CELF5: variants seen among roughly 807,000 people sequenced by gnomAD.
CELF5 encodes the protein CUG-BP and ETR-3 like factor 5.
In CELF5, 6 loss-of-function variants were observed where a neutral mutation model predicts 54.9. That is an observed-to-expected ratio of 0.11 (90% confidence interval 0.06 to 0.22). The LOEUF (loss-of-function observed/expected upper bound fraction) is 0.22. CELF5 is among the 10% of genes least tolerant of loss of function. The pLI, the probability that CELF5 is intolerant of heterozygous loss-of-function variation, is 1.00. For synonymous variants in CELF5, 271 were observed against 290.9 expected, an observed-to-expected ratio of 0.93 and a Z score of 0.70; for missense variants, 401 against 678.6, an observed-to-expected ratio of 0.59 and a Z score of 4.54.
intron 1 of CELF5, among the ~76,000 whole-genome samples, chr19:3,242,670 G>A (rs1599400617): frequency 6.6e-6 from 1 of 152,270 alleles, no homozygotes; most frequent in East Asian, 1.9e-4. Flanking sequence ...GACAGTCATA[G>A]TGGCAGGCGC....
chr19:3,284,981 G>A lies in CELF5; in HGVS notation c.1102+17G>A, dbSNP rs908536034. On this transcript the variant is annotated intron_variant, in intron 9 of 12. Coordinates refer to ENST00000292672, the MANE Select transcript of CELF5 (RefSeq NM_021938.4). ...AGTACACAGGTAGGAGGCAGCCCGCGTGCCCGCGCTGGGCCCTGGCCCCGC... is the reference window on the plus strand; with the variant it reads ...AGTACACAGGTAGGAGGCAGCCCGCATGCCCGCGCTGGGCCCTGGCCCCGC... 6 of 1,599,270 alleles carry A rather than the reference G, an allele frequency of 3.8e-6. No homozygotes were observed. The highest frequency in any genetic ancestry group is 5.1e-6 in the Non-Finnish European group (6 of 1,172,906).
chr19:3,225,567 G>A (rs1916858323), intron 1 of CELF5: 2 of 981,048 alleles, frequency 2.0e-6, no homozygotes, highest in Non-Finnish European at 2.4e-6. Context: ...CCAGGCCGGC[G>A]GGGCAGGTCC....
chr19:3,285,931 G>A lies in CELF5; in HGVS notation c.1103-11G>A. 1.3e-6 allele frequency: 2 copies of A among 1,546,882 alleles called. No homozygotes were observed. The highest frequency in any genetic ancestry group is 1.7e-6 in the Non-Finnish European group (2 of 1,153,242). ...CCCTCCTCGCCCTGTGTCTCGCTCC[G>A]GTCTCCGCAGCCATGTACCCCACCG... On this transcript the variant is annotated splice_polypyrimidine_tract_variant and intron_variant, in intron 9 of 12. Coordinates refer to ENST00000292672, the MANE Select transcript of CELF5 (RefSeq NM_021938.4).
In CELF5 at chr19:3,249,964, T is replaced by G. The variant is rs372129315; in HGVS notation, c.260-1021T>G. Among the ~76,000 whole-genome samples, 3 of 152,130 alleles carry G rather than the reference T, an allele frequency of 2.0e-5. No homozygotes were observed. In the South Asian group the frequency reaches 6.2e-4, roughly 32 times the overall value. On this transcript the variant is annotated intron_variant, in intron 1 of 12. Coordinates refer to ENST00000292672, the MANE Select transcript of CELF5 (RefSeq NM_021938.4). Reference sequence around the variant, plus strand: ...TTGTCCAGGGCTCTCAGCATCTCTTTTCTGAGCTCAGCCACTGACTTTGTT... The same window carrying G: ...TTGTCCAGGGCTCTCAGCATCTCTTGTCTGAGCTCAGCCACTGACTTTGTT...
chr19:3,293,867 G>C, intron 12 of CELF5: 1 of 169,262 alleles, frequency 5.9e-6, no homozygotes. Flanking sequence ...TTTCCCTGCT[G>C]AAAACCCAAC....
chr19:3,250,880 G>T, intron 1 of CELF5, 105 bp from the exon 2 acceptor site: 1 of 717,656 alleles, frequency 1.4e-6, no homozygotes. Flanking sequence ...TGCATCTGTG[G>T]ATGGAAGCTT....
intron 2 of CELF5, among the ~76,000 whole-genome samples, chr19:3,251,762 C>T (rs376843563): frequency 8.8e-4 from 133 of 151,092 alleles, no homozygotes; most frequent in African/African-American, 3.0e-3. Flanking sequence ...GCAACCTCCG[C>T]CTCCCAGGTT....
chr19:3,237,806 T>A (rs553143265), intron 1 of CELF5, among the ~76,000 whole-genome samples: 2 of 152,026 alleles, frequency 1.3e-5, no homozygotes, highest in East Asian at 1.9e-4. Context: ...TCCCAGCACT[T>A]TGGGAGGCCG....
intron 10 of CELF5, among the ~76,000 whole-genome samples, chr19:3,289,724 G>A (rs948033509): frequency 3.3e-5 from 4 of 122,972 alleles, no homozygotes; most frequent in African/African-American, 1.3e-4. Context: ...AATTAGCAAC[G>A]CATGGTGGCT....
At position 3,281,260 on chromosome 19, in the gene CELF5, G is replaced by A. The variant is rs1429169109; in HGVS notation, c.665G>A (p.Arg222His). The A allele has an allele frequency of 1.9e-6, 3 of 1,611,278 alleles. No individual in the cohort carries two copies. The highest frequency in any genetic ancestry group is 2.5e-6 in the Non-Finnish European group (3 of 1,179,902). ...ACGGACAAGGAGCGGACGCTCCGGC[G>A]CATGCAGCAGATGGTGGGCCAGCTG... The part of the protein sequence containing the change: ...ADTDKERTLR[R>H]MQQMVGQLGI... Residue 222 changes from arginine (R) to histidine (H), a missense_variant, in exon 6 of 13, where the codon CGC (arginine) becomes CAC (histidine). Arg to His is a conservative substitution (Grantham distance 29, BLOSUM62 0). Transcript: ENST00000292672. The surrounding 1 kb of genome is among the most constrained non-coding windows in gnomAD (Gnocchi z 6.5).
At chr19:3,264,025 G>T (rs543227499) in intron 2 of CELF5, among the ~76,000 whole-genome samples, 1 of 152,238 alleles carries the variant, frequency 6.6e-6, no homozygotes, top group African/African-American at 2.4e-5. Flanking sequence ...CGGTCCTCTG[G>T]AATCCACCCC....
chr19:3,283,686 T>C (rs1328050582), intron 8 of CELF5, among the ~76,000 whole-genome samples: 1 of 152,038 alleles, frequency 6.6e-6, no homozygotes, highest in Non-Finnish European at 1.5e-5. Flanking sequence ...GTTACCAAAA[T>C]ACCACAGAGC....
chr19:3,282,060 C>A lies in CELF5; in HGVS notation c.751-66C>A. 3 of 1,575,826 alleles carry A rather than the reference C, an allele frequency of 1.9e-6. No homozygotes were observed. Among genetic ancestry groups the A allele is most frequent in the African/African-American group, 1.3e-5 (1 of 74,316 alleles). ...CCTCACTAGTAACTGGGGTACCAAG[C>A]CTCCCCTCATAAGCCATGATCTCAG... On this transcript the variant is annotated intron_variant, in intron 6 of 12. Coordinates refer to ENST00000292672, the MANE Select transcript of CELF5 (RefSeq NM_021938.4). The surrounding 1 kb of genome is among the most constrained non-coding windows in gnomAD (Gnocchi z 5.2).
At chr19:3,271,069 G>A (rs62125941) in intron 2 of CELF5, among the ~76,000 whole-genome samples, 13,165 of 151,898 alleles carry the variant, frequency 0.087, 706 homozygotes, top group Non-Finnish European at 0.13. Flanking sequence ...CCTAAGAGGC[G>A]GTTTCCATGG....
At chr19:3,245,570 CAAA>C (rs79993342) in intron 1 of CELF5, among the ~76,000 whole-genome samples, 6 of 111,692 alleles carry the variant, frequency 5.4e-5, no homozygotes, top group Non-Finnish European at 3.8e-5. Flanking sequence ...AGTCCACAGG[CAAA>C]AAAAAAAAAA....
rs1287887965 is a variant in CELF5, at chr19:3,268,474, G to T, written c.343-5398G>T. ...TCGGGGCGTCGTGTCATCTTTCTGG[G>T]CCTGTGCAGACACCAAATTGTAAGA... is the stretch of plus-strand genomic sequence containing the variant. On this transcript the variant is annotated intron_variant, in intron 2 of 12. Transcript: ENST00000292672. The surrounding 1 kb of genome is among the most constrained non-coding windows in gnomAD (Gnocchi z 4.4). Among the ~76,000 whole-genome samples, 2 of 152,144 alleles carry T rather than the reference G, an allele frequency of 1.3e-5. No individual in the cohort carries two copies. Among genetic ancestry groups the T allele is most frequent in the African/African-American group, 4.8e-5 (2 of 41,440 alleles).
intron 1 of CELF5, among the ~76,000 whole-genome samples, chr19:3,241,537 C>T (rs2079491388): frequency 6.6e-6 from 1 of 151,976 alleles, no homozygotes; most frequent in African/African-American, 2.4e-5. Flanking sequence ...ACACCTGCCT[C>T]TGGTGCCCTT....
At chr19:3,276,812 G>T (rs1192068505) in intron 4 of CELF5, among the ~76,000 whole-genome samples, 1 of 149,920 alleles carries the variant, frequency 6.7e-6, no homozygotes, top group Non-Finnish European at 1.5e-5. Flanking sequence ...GTGGGAGGCG[G>T]GGGGGCTTCT....
chr19:3,260,621 A>ATTTTTT (rs34244242), intron 2 of CELF5, among the ~76,000 whole-genome samples: 1 of 104,642 alleles, frequency 9.6e-6, no homozygotes, highest in Non-Finnish European at 1.9e-5. Flanking sequence ...CACCTGGCTA[A>ATTTTTT]TTTTTTTTTT....
Sources: allele counts gnomAD v4.1 joint callset (sites outside exome capture counted in the v4.1 genomes callset), GRCh38; gene constraint gnomAD v4.1.1; non-coding constraint Gnocchi (gnomAD v3.1); transcripts MANE v1.5; gene names NCBI Gene and HGNC (gene_info 2026-07-23, HGNC 2026-07-21).